LRBA: variants seen among roughly 807,000 people sequenced by gnomAD.
The protein encoded by LRBA is lipopolysaccharide-responsive and beige-like anchor protein.
A neutral mutation model predicts 330.0 loss-of-function variants in LRBA; 176 were observed. That is an observed-to-expected ratio of 0.53 (90% confidence interval 0.47 to 0.60). LRBA has a LOEUF of 0.60. LRBA is among the 20% of genes least tolerant of loss of function. The pLI, the probability that LRBA is intolerant of heterozygous loss-of-function variation, is 0.00. For synonymous variants in LRBA, 1,230 were observed against 1,193.0 expected (o/e 1.03, Z -0.64); for missense variants, 3,259 against 3,444.8 (o/e 0.95, Z 1.35).
At chr4:150,696,918 G>A (rs1186138960) in intron 36 of LRBA, among the ~76,000 whole-genome samples, 1 of 151,704 alleles carries the variant, frequency 6.6e-6, no homozygotes, top group Non-Finnish European at 1.5e-5. Flanking sequence ...GGAAGCTGTG[G>A]TGGGAGGATT....
chr4:150,589,078 G>C (rs542525503), intron 39 of LRBA, among the ~76,000 whole-genome samples: 21 of 140,386 alleles, frequency 1.5e-4, no homozygotes, highest in African/African-American at 2.6e-4. Flanking sequence ...CACACAGAGA[G>C]AGAGAGATCG....
At chr4:150,417,614 T>C (rs1368704444) in intron 46 of LRBA, among the ~76,000 whole-genome samples, 1 of 152,230 alleles carries the variant, frequency 6.6e-6, no homozygotes, top group Non-Finnish European at 1.5e-5. Context: ...TGGTTATACC[T>C]ACCATGCTCT....
intron 47 of LRBA, among the ~76,000 whole-genome samples, chr4:150,392,086 T>C (rs1185750067): frequency 1.3e-5 from 2 of 151,994 alleles, no homozygotes; most frequent in African/African-American, 2.4e-5. Context: ...TTATTCTTCA[T>C]CACTTTATTA....
chr4:150,621,013 A>G (rs1435152944), intron 37 of LRBA, among the ~76,000 whole-genome samples: 1 of 152,046 alleles, frequency 6.6e-6, no homozygotes, highest in Non-Finnish European at 1.5e-5. Context: ...ATTTAATTGT[A>G]CTCTGCTGTT....
rs1554070818 is a variant in LRBA, at chr4:150,639,813, GTGTGTGTATATATATATATATATATA to G, written c.5922-40708_5922-40683del. 2.1e-3 allele frequency among the ~76,000 whole-genome samples: 15 copies of G among 7,264 alleles called. 2 individuals are homozygous for G. Among genetic ancestry groups the G allele is most frequent in the African/African-American group, 4.5e-3 (13 of 2,884 alleles). 4.8% of individuals were successfully genotyped at this position (7,264 alleles called of 152,430 possible). A position where few individuals can be genotyped will look rare whatever the true frequency, so the allele number is the denominator to read the frequency against. ...TGTGTATATATATATATATGTGTGT[GTGTGTGTATATATATATATATATATA>G]TATATATATATATATATATATATAT... is the stretch of plus-strand genomic sequence containing the variant. On this transcript the variant is annotated intron_variant, in intron 37 of 56. Coordinates refer to ENST00000651943, the MANE Select transcript of LRBA (RefSeq NM_001364905.1).
intron 56 of LRBA, 127 bp downstream of exon 56, chr4:150,277,726 T>A: frequency 9.9e-7 from 1 of 1,009,926 alleles, no homozygotes; most frequent in Non-Finnish European, 1.5e-6. Flanking sequence ...GGCTTCGAAC[T>A]CCTGGGCTCA....
intron 36 of LRBA, among the ~76,000 whole-genome samples, chr4:150,727,151 G>T (rs188470438): frequency 1.5e-4 from 18 of 122,628 alleles, no homozygotes; most frequent in African/African-American, 5.1e-4. Flanking sequence ...TCAGCTCACC[G>T]CAACCTCCAT....
At chr4:150,450,267 T>C (rs889170892) in intron 44 of LRBA, among the ~76,000 whole-genome samples, 3 of 152,232 alleles carry the variant, frequency 2.0e-5, no homozygotes, top group South Asian at 4.1e-4. Context: ...TGTATTAGTT[T>C]CCTAGGGCTC....
intron 40 of LRBA, among the ~76,000 whole-genome samples, chr4:150,568,687 T>G (rs541225326): frequency 6.6e-6 from 1 of 152,124 alleles, no homozygotes; most frequent in Admixed American, 6.6e-5. Context: ...GATTTTAGAG[T>G]TTCAAGATTA....
chr4:150,304,062 C>T (rs1011969657), intron 52 of LRBA, among the ~76,000 whole-genome samples: 2 of 152,124 alleles, frequency 1.3e-5, no homozygotes, highest in African/African-American at 4.8e-5. Context: ...TAATATTCAG[C>T]ATGGCTTTCT....
intron 35 of LRBA, among the ~76,000 whole-genome samples, chr4:150,745,561 G>T (rs1452850909): frequency 6.6e-6 from 1 of 152,016 alleles, no homozygotes; most frequent in East Asian, 1.9e-4. Flanking sequence ...TGTCGCCCAG[G>T]CTGGAGTGCA....
chr4:150,947,169 A>G (rs1434589253), intron 2 of LRBA, among the ~76,000 whole-genome samples: 1 of 151,614 alleles, frequency 6.6e-6, no homozygotes, highest in Non-Finnish European at 1.5e-5. Flanking sequence ...CCAATTTTAA[A>G]TTTCTCAATC....
intron 37 of LRBA, among the ~76,000 whole-genome samples, chr4:150,651,504 T>C (rs1395767528): frequency 6.6e-5 from 10 of 152,124 alleles, no homozygotes; most frequent in Non-Finnish European, 4.4e-5. Context: ...ACAGAGTTCA[T>C]TCATTCATTG....
At chr4:150,750,886 A>G (rs952811073) in intron 35 of LRBA, among the ~76,000 whole-genome samples, 3 of 151,426 alleles carry the variant, frequency 2.0e-5, no homozygotes, top group Non-Finnish European at 2.9e-5. Flanking sequence ...TGATTAAGGA[A>G]GCAGGGAAGG....
chr4:150,525,820 A>C (rs1763405517), intron 40 of LRBA, among the ~76,000 whole-genome samples: 1 of 152,172 alleles, frequency 6.6e-6, no homozygotes, highest in Non-Finnish European at 1.5e-5. Flanking sequence ...AGGCAAGGAA[A>C]GCCGTTACAG....
intron 40 of LRBA, among the ~76,000 whole-genome samples, chr4:150,546,046 T>C (rs1765825267): frequency 1.3e-5 from 2 of 152,334 alleles, no homozygotes; most frequent in South Asian, 4.1e-4. Context: ...CTACTGTAGT[T>C]AAAGCTTGAA....
At chr4:150,469,507 C>T (rs1474225741) in intron 43 of LRBA, among the ~76,000 whole-genome samples, 3 of 152,144 alleles carry the variant, frequency 2.0e-5, no homozygotes, top group Admixed American at 6.5e-5. Flanking sequence ...TTACTACATG[C>T]AAAATATGTC....
chr4:150,728,296 C>A lies in LRBA; in HGVS notation c.5754+6962G>T, dbSNP rs367849082. The stretch of plus-strand genomic sequence containing the variant: ...AACATTTTAAGAACTAATACCAATC[C>A]TACTCTAAGTATTCCAAAAAATAGA... On this transcript the variant is annotated intron_variant, in intron 36 of 56. Transcript: ENST00000651943. 1.1e-4 allele frequency among the ~76,000 whole-genome samples: 17 copies of A among 152,122 alleles called. No homozygotes were observed. In the East Asian group the frequency reaches 1.9e-3, roughly 17 times the overall value.
chr4:150,543,068 A>C (rs1280089204), intron 40 of LRBA, among the ~76,000 whole-genome samples: 1 of 152,178 alleles, frequency 6.6e-6, no homozygotes, highest in African/African-American at 2.4e-5. Context: ...TTATTAACTC[A>C]AGGGGCTTTG....
Sources: allele counts gnomAD v4.1 joint callset (sites outside exome capture counted in the v4.1 genomes callset), GRCh38; gene constraint gnomAD v4.1.1; transcripts MANE v1.5; gene names NCBI Gene and HGNC (gene_info 2026-07-23, HGNC 2026-07-21).